Variants in ADAMTS12 observed in about 807,000 individuals in gnomAD.
The protein encoded by ADAMTS12 is ADAM metallopeptidase with thrombospondin type 1 motif 12.
Under a neutral mutation model 167.8 loss-of-function variants are expected in ADAMTS12, and 118 were observed. That is an observed-to-expected ratio of 0.70 (90% CI 0.61 to 0.82). The LOEUF (loss-of-function observed/expected upper bound fraction) is 0.82, where lower values mean the gene tolerates loss of function less well. Among genes scored for constraint, ADAMTS12 ranks in the 40% least tolerant of loss-of-function variants. The probability of loss-of-function intolerance (pLI) is 0.00; values close to 1 mark genes in which losing one functional copy is unlikely to be tolerated. For missense variants in ADAMTS12, 1,916 were observed against 1,998.8 expected, an observed-to-expected ratio of 0.96 and a Z score of 0.79; for synonymous variants, 704 against 716.9, an observed-to-expected ratio of 0.98 and a Z score of 0.29.
intron 6 of ADAMTS12, among the ~76,000 whole-genome samples, chr5:33,661,045 C>T (rs1321800223): frequency 2.0e-5 from 3 of 152,120 alleles, no homozygotes; most frequent in Non-Finnish European, 4.4e-5. Flanking sequence ...GGACAGTGCA[C>T]ACCAAGGGCC....
At chr5:33,569,016 C>T (rs953820286) in intron 19 of ADAMTS12, among the ~76,000 whole-genome samples, 3 of 152,242 alleles carry the variant, frequency 2.0e-5, no homozygotes, top group African/African-American at 7.2e-5. Flanking sequence ...TGAGATCAAA[C>T]TGCAAGGCGG....
chr5:33,572,013 TC>T (rs1483897047), intron 19 of ADAMTS12, among the ~76,000 whole-genome samples: 1 of 152,102 alleles, frequency 6.6e-6, no homozygotes, highest in African/African-American at 2.4e-5. Context: ...ATGGATAAAT[TC>T]CTCGACACAT....
At position 33,630,997 on chromosome 5, in the gene ADAMTS12, C is replaced by G. The variant is rs187362059; in HGVS notation, c.1889-84G>C. 2.4e-5 allele frequency: 37 copies of G among 1,517,036 alleles called. No homozygotes were observed. The African/African-American group carries it at 4.9e-4, about 20-fold the overall frequency. The allele number at this position is 1,517,036 out of a possible 1,614,324, so 94.0% of individuals were successfully genotyped here. A position where few individuals can be genotyped will look rare whatever the true frequency, so the allele number is the denominator to read the frequency against. On this transcript the variant is annotated intron_variant, in intron 12 of 23. Transcript: ENST00000504830. ...CCAGGATTCCTCCGTACTTAGGACC[C>G]CCAAGTGTCATTTACTCTGGCAATC...
chr5:33,686,142 G>A, intron 3 of ADAMTS12, among the ~76,000 whole-genome samples: 1 of 152,168 alleles, frequency 6.6e-6, no homozygotes, highest in Non-Finnish European at 1.5e-5. Context: ...CCTTGTGTGT[G>A]AGGGTGACTG....
intron 21 of ADAMTS12, among the ~76,000 whole-genome samples, chr5:33,548,680 A>C (rs1489880648): frequency 6.7e-6 from 1 of 148,410 alleles, no homozygotes; most frequent in Non-Finnish European, 1.5e-5. Context: ...GACCCAGCAG[A>C]GCCAGGGCCC....
chr5:33,811,460 G>T (rs1747457544), intron 2 of ADAMTS12, among the ~76,000 whole-genome samples: 1 of 152,178 alleles, frequency 6.6e-6, no homozygotes, highest in Admixed American at 6.5e-5. Context: ...CTTAAAAGGG[G>T]TGATCGTCAT....
intron 3 of ADAMTS12, among the ~76,000 whole-genome samples, chr5:33,722,942 A>G (rs1418859075): frequency 1.3e-5 from 2 of 152,156 alleles, no homozygotes; most frequent in African/African-American, 4.8e-5. Context: ...AGAAGCAAGG[A>G]AGGAAGGAGA....
intron 16 of ADAMTS12, 111 bp from the exon 17 acceptor site, chr5:33,596,171 T>C: frequency 7.1e-7 from 1 of 1,402,994 alleles, no homozygotes; most frequent in South Asian, 1.4e-5. Flanking sequence ...GATGGGAAAG[T>C]TGTTCAAAAG....
At chr5:33,609,555 G>T (rs1738622626) in intron 16 of ADAMTS12, among the ~76,000 whole-genome samples, 1 of 151,940 alleles carries the variant, frequency 6.6e-6, no homozygotes. Context: ...TGTATTTGTT[G>T]TAGAGACAGA....
chr5:33,742,700 T>C (rs906626822), intron 3 of ADAMTS12, among the ~76,000 whole-genome samples: 12 of 152,194 alleles, frequency 7.9e-5, no homozygotes, highest in African/African-American at 2.9e-4. Context: ...CTGGTGGAAA[T>C]AAGATCCAAG....
At chr5:33,832,129 C>G (rs1562246) in intron 2 of ADAMTS12, among the ~76,000 whole-genome samples, 2 of 152,080 alleles carry the variant, frequency 1.3e-5, no homozygotes, top group Admixed American at 6.5e-5. Context: ...TAGATTCACA[C>G]GAAAAGGTGT....
At chr5:33,868,711 A>C (rs1432887873) in intron 2 of ADAMTS12, among the ~76,000 whole-genome samples, 1 of 152,224 alleles carries the variant, frequency 6.6e-6, no homozygotes, top group African/African-American at 2.4e-5. Flanking sequence ...TGTCCAACCC[A>C]TGGCCCATTG....
intron 23 of ADAMTS12, among the ~76,000 whole-genome samples, chr5:33,528,030 A>G (rs978703450): frequency 2.0e-5 from 3 of 152,052 alleles, no homozygotes; most frequent in African/African-American, 7.3e-5. Flanking sequence ...CCGTCAACCA[A>G]TGAGTGGATA....
intron 3 of ADAMTS12, among the ~76,000 whole-genome samples, chr5:33,710,792 A>C (rs1181195182): frequency 6.6e-6 from 1 of 152,192 alleles, no homozygotes; most frequent in Non-Finnish European, 1.5e-5. Flanking sequence ...CTCAGTGACG[A>C]AAAGCCTATG....
At chr5:33,751,997 C>T (rs576632379) in intron 2 of ADAMTS12, among the ~76,000 whole-genome samples, 1 of 152,224 alleles carries the variant, frequency 6.6e-6, no homozygotes, top group Non-Finnish European at 1.5e-5. Flanking sequence ...CATGTTCACA[C>T]AACTGTGTGG....
chr5:33,586,668 A>T (rs552429060), intron 18 of ADAMTS12, among the ~76,000 whole-genome samples: 1 of 152,364 alleles, frequency 6.6e-6, no homozygotes, highest in Admixed American at 6.5e-5. Flanking sequence ...CATGACAAGA[A>T]TTATTAACAG....
At position 33,579,401 on chromosome 5, in the gene ADAMTS12, TGAAGTATTA is replaced by T. The variant is rs560043957; in HGVS notation, c.2866-2250_2866-2242del. Among the ~76,000 whole-genome samples the T allele has an allele frequency of 5.7e-4, 87 of 152,344 alleles. No individual in the cohort carries two copies. In the South Asian group the frequency reaches 0.018, roughly 31 times the overall value. On this transcript the variant is annotated intron_variant, in intron 18 of 23. Coordinates refer to ENST00000504830, the MANE Select transcript of ADAMTS12 (RefSeq NM_030955.4). ...GGCTCTCTTTCGGCTTTCCTTTCCA[TGAAGTATTA>T]GACTAGATAGTAACATAATAGGAAA...
chr5:33,772,949 G>C (rs528166083), intron 2 of ADAMTS12, among the ~76,000 whole-genome samples: 4 of 152,340 alleles, frequency 2.6e-5, no homozygotes, highest in East Asian at 1.9e-4. Context: ...ATTTGGGAAG[G>C]CTTCAGAAAG....
At chr5:33,858,498 G>C (rs971415519) in intron 2 of ADAMTS12, among the ~76,000 whole-genome samples, 5 of 151,902 alleles carry the variant, frequency 3.3e-5, no homozygotes, top group Admixed American at 3.3e-4. Context: ...CTCTACAAAA[G>C]ATTTTAAAAA....
Sources: gnomAD v4.1 joint callset for allele counts (sites outside exome capture counted in the v4.1 genomes callset) on GRCh38, gnomAD v4.1.1 for gene constraint, MANE v1.5 for transcripts, NCBI Gene and HGNC (gene_info 2026-07-23, HGNC 2026-07-21) for gene names.